The following SLC8A1 variants were observed in gnomAD, a reference collection of about 807,000 sequenced individuals.
SLC8A1 encodes the protein solute carrier family 8 member A1.
Under a neutral mutation model 68.3 loss-of-function variants are expected in SLC8A1, and 18 were observed. The ratio of observed to expected loss-of-function variants is 0.26; its 90% CI spans 0.18 to 0.39. SLC8A1 has a LOEUF of 0.39. Ranked by LOEUF, SLC8A1 falls within the 10% of genes least tolerant of loss-of-function variation. The pLI, the probability that SLC8A1 is intolerant of heterozygous loss-of-function variation, is 1.00. For missense variants in SLC8A1, 985 were observed against 1,156.7 expected (o/e 0.85, Z 2.15); for synonymous variants, 475 against 415.5 (o/e 1.14, Z -1.74).
At chr2:40,352,549 G>A (rs930502337) in intron 2 of SLC8A1, among the ~76,000 whole-genome samples, 3 of 152,126 alleles carry the variant, frequency 2.0e-5, no homozygotes, top group African/African-American at 7.2e-5. Flanking sequence ...ATTTCCTAGA[G>A]ATTAGGAAAA....
At chr2:40,492,975 T>A (rs1169184539) in intron 1 of SLC8A1, among the ~76,000 whole-genome samples, 1 of 152,026 alleles carries the variant, frequency 6.6e-6, no homozygotes, top group Non-Finnish European at 1.5e-5. Flanking sequence ...TACCATTTGG[T>A]CCAGCCATCC....
At chr2:40,106,568 A>G (rs2034212374) in exon 8 of SLC8A1, 1 of 152,248 alleles carries the variant, frequency 6.6e-6, no homozygotes, top group African/African-American at 2.4e-5. Context: ...TCATAGACTT[A>G]TCTGTCTCAA....
At chr2:40,374,484 A>G (rs1204525608) in intron 2 of SLC8A1, among the ~76,000 whole-genome samples, 1 of 152,036 alleles carries the variant, frequency 6.6e-6, no homozygotes, top group Non-Finnish European at 1.5e-5. Flanking sequence ...ATATGTATGT[A>G]TTTGGAATTA....
intron 2 of SLC8A1, among the ~76,000 whole-genome samples, chr2:40,261,243 G>A (rs1295811835): frequency 6.6e-6 from 1 of 152,170 alleles, no homozygotes; most frequent in Non-Finnish European, 1.5e-5. Context: ...TCTTCCATAA[G>A]AAACTGGGGA....
rs2048707538 is a variant in SLC8A1 at position 40,177,602 on chromosome 2, G to T, written c.1912+150C>A. On this transcript the variant is annotated intron_variant, in intron 3 of 7. Transcript: ENST00000406785. ...GTTGCCTGTTGCACTTGTGAATTAG[G>T]GAAGGGAAATGAAATTGCTAAAGCT... 6 of 523,266 alleles carry T rather than the reference G, an allele frequency of 1.1e-5. No homozygotes were observed. The South Asian group carries it at 1.6e-4, about 14-fold the overall frequency. The allele number at this position is 523,266 out of a possible 1,614,324, so 32.4% of individuals were successfully genotyped here. A position where few individuals can be genotyped will look rare whatever the true frequency, so the allele number is the denominator to read the frequency against.
upstream of SLC8A1, among the ~76,000 whole-genome samples, chr2:40,452,866 G>T (rs1025963187): frequency 6.6e-6 from 1 of 151,930 alleles, no homozygotes; most frequent in African/African-American, 2.4e-5. Context: ...AGTCTGTTTC[G>T]TGTGAAAGGC....
chr2:40,386,774 T>C (rs1683695333), intron 2 of SLC8A1, among the ~76,000 whole-genome samples: 1 of 151,136 alleles, frequency 6.6e-6, no homozygotes, highest in African/African-American at 2.5e-5. Flanking sequence ...CTGGAGGTTT[T>C]ATAAGCAAAC....
At chr2:40,496,733 C>G (rs748473357) in intron 1 of SLC8A1, among the ~76,000 whole-genome samples, 4 of 151,878 alleles carry the variant, frequency 2.6e-5, no homozygotes, top group Non-Finnish European at 4.4e-5. Flanking sequence ...TCACCCACAG[C>G]CTACATATCC....
intron 2 of SLC8A1, among the ~76,000 whole-genome samples, chr2:40,353,307 CAA>C (rs1400962105): frequency 6.6e-6 from 1 of 152,074 alleles, no homozygotes; most frequent in Non-Finnish European, 1.5e-5. Flanking sequence ...AAAAATGGAG[CAA>C]AGAGAGCAAT....
intron 2 of SLC8A1, among the ~76,000 whole-genome samples, chr2:40,386,240 G>A (rs1683500394): frequency 6.6e-6 from 1 of 151,290 alleles, no homozygotes; most frequent in South Asian, 2.1e-4. Flanking sequence ...TAATACAGCT[G>A]GAGATAATTT....
intron 2 of SLC8A1, among the ~76,000 whole-genome samples, chr2:40,400,185 C>A (rs143963858): frequency 6.6e-6 from 1 of 152,130 alleles, no homozygotes; most frequent in African/African-American, 2.4e-5. Context: ...AGGAGTCTTG[C>A]CGATGCCCCC....
intron 2 of SLC8A1, among the ~76,000 whole-genome samples, chr2:40,197,210 G>C (rs987590348): frequency 6.6e-6 from 1 of 151,974 alleles, no homozygotes. Flanking sequence ...AGTGCATTTC[G>C]ATAGTGATAT....
At chr2:40,162,306 T>G (rs1289648845) in intron 5 of SLC8A1, among the ~76,000 whole-genome samples, 1 of 152,172 alleles carries the variant, frequency 6.6e-6, no homozygotes, top group African/African-American at 2.4e-5. Flanking sequence ...CCATCCTCAC[T>G]GCTACAAATT....
chr2:40,411,010 T>G (rs928497700), intron 2 of SLC8A1, among the ~76,000 whole-genome samples: 12 of 152,068 alleles, frequency 7.9e-5, no homozygotes, highest in African/African-American at 2.9e-4. Context: ...ATAAATGATT[T>G]TGAAAAATAA....
rs566777093 is a variant in SLC8A1 at position 40,232,184 on chromosome 2, G to A, written c.1809-54329C>T. ...GCTTTGGAAACGGAAAACCTTAGGAGACCCTGAACATTTCAAAAAGACATT... is the reference window on the plus strand; with the variant it reads ...GCTTTGGAAACGGAAAACCTTAGGAAACCCTGAACATTTCAAAAAGACATT... On this transcript the variant is annotated intron_variant, in intron 2 of 7. Coordinates refer to ENST00000406785, the Ensembl canonical transcript of SLC8A1. Among the ~76,000 whole-genome samples, 4 of 152,140 alleles carry A rather than the reference G, an allele frequency of 2.6e-5. No individual in the cohort carries two copies. In the South Asian group the frequency reaches 8.3e-4, roughly 32 times the overall value.
At chr2:40,475,687 AATAC>A (rs1184437459) in intron 1 of SLC8A1, among the ~76,000 whole-genome samples, 1 of 152,108 alleles carries the variant, frequency 6.6e-6, no homozygotes, top group Non-Finnish European at 1.5e-5. Flanking sequence ...TAAATACATA[AATAC>A]ATATTTTTTA....
chr2:40,442,578 G>T (rs1233740103), intron 1 of SLC8A1, among the ~76,000 whole-genome samples: 1 of 152,060 alleles, frequency 6.6e-6, no homozygotes, highest in Non-Finnish European at 1.5e-5. Context: ...CAGTCAAAAT[G>T]GCAATTATTA....
chr2:40,280,739 G>C (rs958921487), intron 2 of SLC8A1, among the ~76,000 whole-genome samples: 1 of 152,136 alleles, frequency 6.6e-6, no homozygotes, highest in Non-Finnish European at 1.5e-5. Flanking sequence ...AATGAATCCA[G>C]ACCAAAAGTT....
chr2:40,141,955 A>C (rs2041650320), intron 6 of SLC8A1, among the ~76,000 whole-genome samples: 1 of 152,182 alleles, frequency 6.6e-6, no homozygotes, highest in Admixed American at 6.5e-5. Flanking sequence ...GGAGAAATCG[A>C]ACCTGCCAAC....
Sources: allele counts gnomAD v4.1 joint callset (sites outside exome capture counted in the v4.1 genomes callset), GRCh38; gene constraint gnomAD v4.1.1; transcripts MANE v1.5; gene names NCBI Gene and HGNC (gene_info 2026-07-23, HGNC 2026-07-21).